Variants in NIBAN1 observed in about 807,000 individuals in gnomAD.
The protein encoded by NIBAN1 is protein Niban 1.
A neutral mutation model predicts 75.1 loss-of-function variants in NIBAN1; 81 were observed. The observed-to-expected ratio is 1.08, with a 90% CI of 0.90 to 1.30. NIBAN1 has a LOEUF of 1.30. NIBAN1 is among the 50% of genes most tolerant of loss of function. The probability of loss-of-function intolerance (pLI) is 0.00; values close to 1 mark genes in which losing one functional copy is unlikely to be tolerated. For synonymous variants in NIBAN1, 436 were observed against 424.8 expected, an observed-to-expected ratio of 1.03 and a Z score of -0.32; for missense variants, 1,133 against 1,128.1, an observed-to-expected ratio of 1.00 and a Z score of -0.06.
chr1:184,818,526 A>G, intron 9 of NIBAN1, 112 bp downstream of exon 9: 1 of 1,074,240 alleles, frequency 9.3e-7, no homozygotes, highest in Non-Finnish European at 1.3e-6. Flanking sequence ...AGGGCAGAAG[A>G]ATGGAAGGAA....
At chr1:184,898,069 C>G (rs1202580441) in intron 2 of NIBAN1, among the ~76,000 whole-genome samples, 1 of 152,166 alleles carries the variant, frequency 6.6e-6, no homozygotes, top group African/African-American at 2.4e-5. Context: ...AAATCAAAAC[C>G]CTGTTGTGAC....
Position 184,967,961 on chromosome 1 carries a change from TGGG to T in NIBAN1, c.55+6338_55+6340del, listed in dbSNP as rs1658842168. ...GCTCACGCCTGTAATCCCAGCACTT[TGGG>T]AGGCCGAGGCGGGTGGATCATGAGG... On this transcript the variant is annotated intron_variant, in intron 1 of 13. Coordinates refer to ENST00000367511, the MANE Select transcript of NIBAN1 (RefSeq NM_052966.4). Among the ~76,000 whole-genome samples, 2 of 60,942 alleles carry T rather than the reference TGGG, an allele frequency of 3.3e-5. 1 individual carries two copies. The highest frequency in any genetic ancestry group is 9.1e-5 in the Non-Finnish European group (2 of 21,894). 40.0% of individuals were successfully genotyped at this position (60,942 alleles called of 152,430 possible).
chr1:184,914,695 A>G (rs1657336479), intron 1 of NIBAN1, among the ~76,000 whole-genome samples: 1 of 151,360 alleles, frequency 6.6e-6, no homozygotes, highest in Non-Finnish European at 1.5e-5. Flanking sequence ...ACATACTTTT[A>G]CAAAATTAAT....
In NIBAN1 at chr1:184,960,609, A is replaced by C. The variant is rs186116262; in HGVS notation, c.55+13693T>G. Among the ~76,000 whole-genome samples, 514 of 138,080 alleles carry C rather than the reference A, an allele frequency of 3.7e-3. 1 individual carries two copies. Among genetic ancestry groups the C allele is most frequent in the African/African-American group, 4.3e-3 (155 of 35,778 alleles). 90.6% of individuals were successfully genotyped at this position (138,080 alleles called of 152,430 possible). On this transcript the variant is annotated intron_variant, in intron 1 of 13. Transcript: ENST00000367511. The stretch of plus-strand genomic sequence containing the variant: ...TAGTGGTGGCAGACAGACAACACCA[A>C]CAACAACAACAAAATGTTGTTGTTG...
Position 184,860,733 on chromosome 1 carries a change from G to A in NIBAN1, c.601+23900C>T, listed in dbSNP as rs1655795776. On this transcript the variant is annotated intron_variant, in intron 5 of 13. Transcript: ENST00000367511. Reference sequence around the variant, plus strand: ...AGTAACACAGATCCTAAGTGGTGGAGCCAAGATCTGAATCCAAAATAGTCT... The same window carrying A: ...AGTAACACAGATCCTAAGTGGTGGAACCAAGATCTGAATCCAAAATAGTCT... 2.0e-5 allele frequency among the ~76,000 whole-genome samples: 3 copies of A among 152,176 alleles called. No homozygotes were observed. In the South Asian group the frequency reaches 6.2e-4, roughly 32 times the overall value.
chr1:184,893,076 T>G (rs1290144259), intron 3 of NIBAN1, among the ~76,000 whole-genome samples: 1 of 152,186 alleles, frequency 6.6e-6, no homozygotes, highest in African/African-American at 2.4e-5. Context: ...CTCGCCATCT[T>G]GACTATTCTT....
intron 5 of NIBAN1, chr1:184,868,040 C>G (rs773013914): frequency 2.2e-4 from 216 of 985,386 alleles, no homozygotes; most frequent in Non-Finnish European, 2.5e-4. Context: ...ATGAGCCATG[C>G]CCTGATCTCC....
intron 5 of NIBAN1, 33 bp from the exon 6 acceptor site, chr1:184,831,995 T>A: frequency 1.3e-6 from 2 of 1,497,952 alleles, no homozygotes; most frequent in Non-Finnish European, 1.9e-6. Context: ...TTCAGCAAGA[T>A]AAAACACTCT....
chr1:184,824,784 G>A (rs769198497), intron 6 of NIBAN1, among the ~76,000 whole-genome samples: 13 of 151,558 alleles, frequency 8.6e-5, no homozygotes, highest in African/African-American at 1.2e-4. Flanking sequence ...TCATTTTTTC[G>A]GGGGGAAGGG....
At chr1:184,958,364 T>TCACACACACACAAACA (rs142817433) in intron 1 of NIBAN1, among the ~76,000 whole-genome samples, 1 of 142,600 alleles carries the variant, frequency 7.0e-6, no homozygotes, top group Non-Finnish European at 1.5e-5. Context: ...GACAGAGGAG[T>TCACACACACACAAACA]CACACACACA....
intron 1 of NIBAN1, among the ~76,000 whole-genome samples, chr1:184,925,214 T>C (rs1301042422): frequency 6.6e-6 from 1 of 152,104 alleles, no homozygotes; most frequent in African/African-American, 2.4e-5. Context: ...TTATCTGATA[T>C]AGGTATAGTT....
chr1:184,816,463 T>C (rs891422202), intron 9 of NIBAN1, among the ~76,000 whole-genome samples: 18 of 152,230 alleles, frequency 1.2e-4, no homozygotes, highest in Non-Finnish European at 2.9e-5. Context: ...CACTCTCACC[T>C]AAGTGAAAAC....
intron 5 of NIBAN1, among the ~76,000 whole-genome samples, chr1:184,856,654 A>G (rs2102270423): frequency 6.6e-6 from 1 of 152,318 alleles, no homozygotes; most frequent in East Asian, 1.9e-4. Flanking sequence ...TATTCTATGT[A>G]TGAGTCACTG....
chr1:184,856,711 T>C (rs932195486), intron 5 of NIBAN1, among the ~76,000 whole-genome samples: 3 of 152,174 alleles, frequency 2.0e-5, no homozygotes, highest in Non-Finnish European at 4.4e-5. Context: ...TTCATGGGCA[T>C]AAAGTTTGAG....
chr1:184,904,042 A>G (rs972774916), intron 1 of NIBAN1, among the ~76,000 whole-genome samples: 2 of 151,930 alleles, frequency 1.3e-5, no homozygotes, highest in African/African-American at 2.4e-5. Context: ...GATTACAGGC[A>G]TGCACCACCA....
chr1:184,794,797 T>G lies in NIBAN1; in HGVS notation c.*180A>C, dbSNP rs934373927. The stretch of plus-strand genomic sequence containing the variant: ...AAAGCAAAAATTCATCGTAGAACAA[T>G]TCATGTCCACAAAGGTTTGCCTCAG... On this transcript the variant is annotated 3_prime_UTR_variant, in exon 14 of 14. Coordinates refer to ENST00000367511, the MANE Select transcript of NIBAN1 (RefSeq NM_052966.4). 7 of 750,112 alleles carry G rather than the reference T, an allele frequency of 9.3e-6. No individual in the cohort carries two copies. The Admixed American group carries it at 1.4e-4, about 15-fold the overall frequency. The allele number at this position is 750,112 out of a possible 1,614,324, so 46.5% of individuals were successfully genotyped here. A position where few individuals can be genotyped will look rare whatever the true frequency, so the allele number is the denominator to read the frequency against.
At chr1:184,947,119 C>G (rs2102058571) in intron 1 of NIBAN1, among the ~76,000 whole-genome samples, 1 of 146,110 alleles carries the variant, frequency 6.8e-6, no homozygotes, top group East Asian at 2.0e-4. Context: ...TCCTACCTTG[C>G]TTTCTGTTGG....
chr1:184,962,136 A>T (rs1054465528), intron 1 of NIBAN1, among the ~76,000 whole-genome samples: 2 of 152,254 alleles, frequency 1.3e-5, no homozygotes, highest in African/African-American at 2.4e-5. Flanking sequence ...AGAGTGAATG[A>T]GAAAAGAGAA....
At chr1:184,957,597 G>A (rs1297516056) in intron 1 of NIBAN1, among the ~76,000 whole-genome samples, 1 of 152,212 alleles carries the variant, frequency 6.6e-6, no homozygotes, top group Non-Finnish European at 1.5e-5. Context: ...ATTACTGATA[G>A]TAAAACAAAT....
Sources: allele counts gnomAD v4.1 joint callset (sites outside exome capture counted in the v4.1 genomes callset), GRCh38; gene constraint gnomAD v4.1.1; transcripts MANE v1.5; gene names NCBI Gene and HGNC (gene_info 2026-07-23, HGNC 2026-07-21).